The following FRK variants were observed in gnomAD, a reference collection of about 807,000 sequenced individuals.
The protein encoded by FRK is fyn related Src family tyrosine kinase, also known as tyrosine-protein kinase FRK.
In FRK, 51 loss-of-function variants were observed where a neutral mutation model predicts 56.4. The ratio of observed to expected loss-of-function variants is 0.90; its 90% CI spans 0.72 to 1.14. The LOEUF (loss-of-function observed/expected upper bound fraction) is 1.14, where lower values mean the gene tolerates loss of function less well. FRK is among the 50% of genes most tolerant of loss of function. The probability of loss-of-function intolerance (pLI) is 0.00; values close to 1 mark genes in which losing one functional copy is unlikely to be tolerated. For missense variants in FRK, 570 were observed against 601.4 expected, an observed-to-expected ratio of 0.95 and a Z score of 0.55; for synonymous variants, 245 against 217.9, an observed-to-expected ratio of 1.12 and a Z score of -1.10.
In FRK at chr6:116,027,038, G is replaced by A. The variant is rs553683594; in HGVS notation, c.345-23040C>T. 2.7e-3 allele frequency among the ~76,000 whole-genome samples: 411 copies of A among 152,216 alleles called. 2 individuals are homozygous for A. Among genetic ancestry groups the A allele is most frequent in the African/African-American group, 8.9e-3 (371 of 41,548 alleles). On this transcript the variant is annotated intron_variant, in intron 1 of 7. Transcript: ENST00000606080. ...TCAGGTCTTAAAGAGTTGCCTGTGG[G>A]CCATCCTAAACTGTTAAATGCATTA...
At chr6:116,077,332 G>A in the FRK span, among the ~76,000 whole-genome samples, 2 of 152,198 alleles carry the variant, frequency 1.3e-5, no homozygotes, top group African/African-American at 4.8e-5. Context: ...GGGCTTAGCT[G>A]TGCCTGTGAA....
At chr6:116,094,731 G>T in the FRK span, among the ~76,000 whole-genome samples, 1 of 152,136 alleles carries the variant, frequency 6.6e-6, no homozygotes, top group Non-Finnish European at 1.5e-5. Context: ...GGAAAGACCA[G>T]CAGAAAGGAA....
At chr6:116,052,967 A>G (rs1777235618) in intron 1 of FRK, among the ~76,000 whole-genome samples, 1 of 152,184 alleles carries the variant, frequency 6.6e-6, no homozygotes, top group African/African-American at 2.4e-5. Flanking sequence ...CTTTCTGCAC[A>G]GTCTCATTTA....
At chr6:115,974,663 C>A (rs1646271370) in intron 2 of FRK, among the ~76,000 whole-genome samples, 1 of 152,124 alleles carries the variant, frequency 6.6e-6, no homozygotes, top group African/African-American at 2.4e-5. Context: ...TCTTAGCATT[C>A]AAAGATTTCT....
At chr6:116,038,691 A>G (rs1776582149) in intron 1 of FRK, 2 of 403,660 alleles carry the variant, frequency 5.0e-6, no homozygotes, top group Non-Finnish European at 9.7e-6. Flanking sequence ...CATAAAACCT[A>G]TAATCCCCAA....
At chr6:116,034,514 A>G (rs1173789639) in intron 1 of FRK, among the ~76,000 whole-genome samples, 1 of 152,178 alleles carries the variant, frequency 6.6e-6, no homozygotes, top group Non-Finnish European at 1.5e-5. Context: ...GTCTAACTGC[A>G]GTGTGTTCAA....
chr6:115,997,841 G>C (rs1349478711), intron 2 of FRK, among the ~76,000 whole-genome samples: 1 of 152,166 alleles, frequency 6.6e-6, no homozygotes, highest in South Asian at 2.1e-4. Flanking sequence ...CTGTCCCACT[G>C]TCACCCCATA....
At chr6:115,987,008 T>C (rs1459784296) in intron 2 of FRK, among the ~76,000 whole-genome samples, 1 of 152,078 alleles carries the variant, frequency 6.6e-6, no homozygotes, top group Non-Finnish European at 1.5e-5. Flanking sequence ...ACAAACCCAG[T>C]ACCTTCTTTC....
rs561273499 is a variant in FRK at position 116,000,223 on chromosome 6, C to CTTTTTTTTT, written c.466+3645_466+3653dup. On this transcript the variant is annotated intron_variant, in intron 2 of 7. Transcript: ENST00000606080. ...TTTCCTCATGAAAATATCATTCTTT[C>CTTTTTTTTT]TTTTTTTTTTTTTTTTTTTTTTTTT... is the stretch of plus-strand genomic sequence containing the variant. Among the ~76,000 whole-genome samples the CTTTTTTTTT allele has an allele frequency of 3.5e-3, 186 of 53,072 alleles. 28 individuals are homozygous for CTTTTTTTTT. Among genetic ancestry groups the CTTTTTTTTT allele is most frequent in the African/African-American group, 5.8e-3 (64 of 11,094 alleles). 34.8% of individuals were successfully genotyped at this position (53,072 alleles called of 152,430 possible).
At position 115,941,590 on chromosome 6, in the gene FRK, T is replaced by A. The variant is rs998146364; in HGVS notation, c.*824A>T. 1.3e-5 allele frequency: 2 copies of A among 152,160 alleles called. No homozygotes were observed. The highest frequency in any genetic ancestry group is 6.6e-5 in the Admixed American group (1 of 15,266). 9.4% of individuals were successfully genotyped at this position (152,160 alleles called of 1,614,324 possible). A position where few individuals can be genotyped will look rare whatever the true frequency, so the allele number is the denominator to read the frequency against. On this transcript the variant is annotated 3_prime_UTR_variant, in exon 8 of 8. Transcript: ENST00000606080. ...TACTCAGAAGTCTAGGCCACAGCAA[T>A]CCTACTGTTCTCCTCTCATTTTCCT... is the stretch of plus-strand genomic sequence containing the variant.
intron 4 of FRK, among the ~76,000 whole-genome samples, chr6:115,965,188 C>T (rs1403066257): frequency 6.9e-6 from 1 of 143,924 alleles, no homozygotes; most frequent in Admixed American, 7.1e-5. Flanking sequence ...ATAATGAACT[C>T]AAACAAATTT....
rs1562257454 is a variant in FRK, at chr6:115,958,708, A to AAAGAAGG, written c.800-2099_800-2098insCCTTCTT. 4.4e-3 allele frequency among the ~76,000 whole-genome samples: 55 copies of AAAGAAGG among 12,372 alleles called. 4 individuals are homozygous for AAAGAAGG. The highest frequency in any genetic ancestry group is 0.018 in the African/African-American group (54 of 3,032). 8.1% of individuals were successfully genotyped at this position (12,372 alleles called of 152,430 possible). A position where few individuals can be genotyped will look rare whatever the true frequency, so the allele number is the denominator to read the frequency against. ...AGAAAGAAAGAAAGAAAGAAAGAAG[A>AAAGAAGG]AAGAAAGAAAGAAAGAAAGAAAGAA... is the stretch of plus-strand genomic sequence containing the variant. On this transcript the variant is annotated intron_variant, in intron 4 of 7. Transcript: ENST00000606080.
rs1479586557 is a variant in FRK, at chr6:115,938,865, A to T, written c.*3549T>A. ...AACCAAAAAAAGTCCAGGACCAGATAGATTCACAGCCGAATTCTACCAGAG... is the reference window on the plus strand; with the variant it reads ...AACCAAAAAAAGTCCAGGACCAGATTGATTCACAGCCGAATTCTACCAGAG... On this transcript the variant is annotated 3_prime_UTR_variant, in exon 8 of 8. Transcript: ENST00000606080. 4 of 152,198 alleles carry T rather than the reference A, an allele frequency of 2.6e-5. No individual in the cohort carries two copies. Among genetic ancestry groups the T allele is most frequent in the African/African-American group, 9.7e-5 (4 of 41,444 alleles). 9.4% of individuals were successfully genotyped at this position (152,198 alleles called of 1,614,324 possible). A position where few individuals can be genotyped will look rare whatever the true frequency, so the allele number is the denominator to read the frequency against.
intron 1 of FRK, among the ~76,000 whole-genome samples, chr6:116,008,484 A>G (rs2114706220): frequency 6.6e-6 from 1 of 152,352 alleles, no homozygotes; most frequent in Middle Eastern, 3.4e-3. Context: ...TTCTGCATGT[A>G]GTGGCATTTA....
the FRK span, among the ~76,000 whole-genome samples, chr6:116,079,367 A>C: frequency 6.7e-6 from 1 of 149,192 alleles, no homozygotes; most frequent in Non-Finnish European, 1.5e-5. Flanking sequence ...CTCTTCTTTG[A>C]TTCAGGTCTT....
At chr6:116,012,342 T>C (rs1375969331) in intron 1 of FRK, among the ~76,000 whole-genome samples, 1 of 152,190 alleles carries the variant, frequency 6.6e-6, no homozygotes, top group Non-Finnish European at 1.5e-5. Flanking sequence ...AACTTTATCC[T>C]CCCTATATCA....
the FRK span, among the ~76,000 whole-genome samples, chr6:116,092,476 C>T: frequency 7.2e-5 from 11 of 152,064 alleles, no homozygotes; most frequent in African/African-American, 1.4e-4. Flanking sequence ...GAGAATGCAT[C>T]GGTAAGAGCC....
At chr6:116,000,186 C>G (rs1030277377) in intron 2 of FRK, among the ~76,000 whole-genome samples, 1 of 126,778 alleles carries the variant, frequency 7.9e-6, no homozygotes, top group African/African-American at 3.0e-5. Context: ...GGTAATTCTA[C>G]TTTAAGTTTG....
At chr6:115,947,109 A>C (rs1327970860) in intron 5 of FRK, among the ~76,000 whole-genome samples, 8 of 152,240 alleles carry the variant, frequency 5.3e-5, no homozygotes, top group African/African-American at 1.9e-4. Flanking sequence ...GTGGGGTTGT[A>C]ATTGACAAAG....
Sources: gnomAD v4.1 joint callset for allele counts (sites outside exome capture counted in the v4.1 genomes callset) on GRCh38, gnomAD v4.1.1 for gene constraint, MANE v1.5 for transcripts, NCBI Gene and HGNC (gene_info 2026-07-23, HGNC 2026-07-21) for gene names.